Variants in PTPRD observed in about 807,000 individuals in gnomAD.
The protein encoded by PTPRD is receptor-type tyrosine-protein phosphatase delta.
Under a neutral mutation model 214.5 loss-of-function variants are expected in PTPRD, and 34 were observed. The observed-to-expected ratio is 0.16, with a 90% confidence interval of 0.12 to 0.21. The LOEUF is 0.21. Among genes scored for constraint, PTPRD ranks in the 10% least tolerant of loss-of-function variants. PTPRD has a pLI of 1.00. For missense variants in PTPRD, 2,545 were observed against 2,398.7 expected, an observed-to-expected ratio of 1.06 and a Z score of -1.27; for synonymous variants, 1,128 against 845.7, an observed-to-expected ratio of 1.33 and a Z score of -5.79.
At chr9:10,559,546 A>G (rs2063375863) in intron 2 of PTPRD, among the ~76,000 whole-genome samples, 1 of 152,174 alleles carries the variant, frequency 6.6e-6, no homozygotes, top group African/African-American at 2.4e-5. Context: ...AAATTTAATA[A>G]GAAGTACAAA....
intron 3 of PTPRD, among the ~76,000 whole-genome samples, chr9:10,115,248 CT>C (rs2098721309): frequency 2.0e-5 from 3 of 151,898 alleles, no homozygotes; most frequent in Admixed American, 2.0e-4. Flanking sequence ...AGTGAATAAG[CT>C]TTCCATATGT....
intron 9 of PTPRD, among the ~76,000 whole-genome samples, chr9:9,211,532 CA>C (rs2099948672): frequency 8.6e-6 from 1 of 116,172 alleles, no homozygotes; most frequent in South Asian, 2.5e-4. Flanking sequence ...CACACACACA[CA>C]CACACACACA....
intron 5 of PTPRD, among the ~76,000 whole-genome samples, chr9:9,922,760 A>G (rs561943096): frequency 6.6e-6 from 1 of 151,612 alleles, no homozygotes; most frequent in East Asian, 1.9e-4. Context: ...TTCTATTAAA[A>G]ACAGGGGGAA....
At chr9:9,676,435 G>C (rs2096931729) in intron 7 of PTPRD, among the ~76,000 whole-genome samples, 1 of 151,868 alleles carries the variant, frequency 6.6e-6, no homozygotes, top group South Asian at 2.1e-4. Flanking sequence ...CTTCATCCAT[G>C]TCCCTACAAA....
At chr9:8,940,439 C>G (rs1380342472) in intron 11 of PTPRD, among the ~76,000 whole-genome samples, 2 of 114,890 alleles carry the variant, frequency 1.7e-5, no homozygotes, top group African/African-American at 6.6e-5. Context: ...CCTATCACCA[C>G]TCCCAGCTTT....
intron 11 of PTPRD, among the ~76,000 whole-genome samples, chr9:8,944,449 C>T (rs1169201333): frequency 6.6e-6 from 1 of 152,078 alleles, no homozygotes; most frequent in Non-Finnish European, 1.5e-5. Context: ...AATATCTGCA[C>T]TCCCATGTTT....
At chr9:9,162,564 G>C (rs924826617) in intron 10 of PTPRD, among the ~76,000 whole-genome samples, 1 of 151,934 alleles carries the variant, frequency 6.6e-6, no homozygotes, top group Non-Finnish European at 1.5e-5. Flanking sequence ...TTCCCCGCTG[G>C]ATTCCTTAGA....
At chr9:10,022,200 A>G (rs567967641) in intron 4 of PTPRD, among the ~76,000 whole-genome samples, 1 of 37,210 alleles carries the variant, frequency 2.7e-5, no homozygotes, top group East Asian at 6.2e-4. Flanking sequence ...CGAGGAAAGC[A>G]GAGTTACATA....
At chr9:10,476,129 G>C (rs1204568534) in intron 2 of PTPRD, among the ~76,000 whole-genome samples, 4 of 152,066 alleles carry the variant, frequency 2.6e-5, no homozygotes, top group African/African-American at 9.7e-5. Context: ...TGAAGTTCTG[G>C]CCAGGGCAGT....
intron 5 of PTPRD, among the ~76,000 whole-genome samples, chr9:9,865,556 G>C (rs1350061703): frequency 6.6e-6 from 1 of 152,054 alleles, no homozygotes; most frequent in East Asian, 1.9e-4. Context: ...AAATTTCCCA[G>C]CCTCCATAAC....
chr9:8,571,366 A>T (rs958448327), intron 14 of PTPRD, among the ~76,000 whole-genome samples: 2 of 152,146 alleles, frequency 1.3e-5, no homozygotes, highest in Non-Finnish European at 2.9e-5. Context: ...ACTCTCAGAC[A>T]TCTAAATGGC....
At chr9:8,953,913 GCC>G (rs2099117256) in intron 11 of PTPRD, among the ~76,000 whole-genome samples, 1 of 151,866 alleles carries the variant, frequency 6.6e-6, no homozygotes, top group South Asian at 2.1e-4. Flanking sequence ...AATTAGTCCT[GCC>G]ACTGCGGAAA....
intron 10 of PTPRD, among the ~76,000 whole-genome samples, chr9:9,057,047 G>A (rs1414489195): frequency 2.6e-5 from 4 of 152,064 alleles, no homozygotes; most frequent in Non-Finnish European, 5.9e-5. Context: ...TTATAGGGTG[G>A]TTGTGATGAT....
At position 10,543,219 on chromosome 9, in the gene PTPRD, G is replaced by A. The variant is rs529676008; in HGVS notation, c.-600+69179C>T. On this transcript the variant is annotated intron_variant, in intron 2 of 45. Coordinates refer to ENST00000381196, the MANE Select transcript of PTPRD (RefSeq NM_002839.4). ...TCATTTTTAACTAACATGATAAAGGGGAAGGCATAAAGCTAAGTTTGTCTA... is the reference window on the plus strand; with the variant it reads ...TCATTTTTAACTAACATGATAAAGGAGAAGGCATAAAGCTAAGTTTGTCTA... 2.8e-4 allele frequency among the ~76,000 whole-genome samples: 42 copies of A among 152,080 alleles called. No individual in the cohort carries two copies. In the South Asian group the frequency reaches 8.5e-3, roughly 31 times the overall value.
chr9:8,839,151 T>C (rs2097504048), intron 11 of PTPRD, among the ~76,000 whole-genome samples: 1 of 152,104 alleles, frequency 6.6e-6, no homozygotes, highest in Non-Finnish European at 1.5e-5. Context: ...ATTTAATTCA[T>C]ATAACAGAAA....
rs34926923 is a variant in PTPRD at position 10,103,395 on chromosome 9, T to TA, written c.-544-69606_-544-69605insT. Among the ~76,000 whole-genome samples, 68 of 116,726 alleles carry TA rather than the reference T, an allele frequency of 5.8e-4. 6 individuals carry two copies. The East Asian group carries it at 0.019, about 32-fold the overall frequency. 76.6% of individuals were successfully genotyped at this position (116,726 alleles called of 152,430 possible). A position where few individuals can be genotyped will look rare whatever the true frequency, so the allele number is the denominator to read the frequency against. ...CTGCATATTATATATATATATATATTTATTTAAGAGCATTGCAGTAAGAAA... is the reference window on the plus strand; with the variant it reads ...CTGCATATTATATATATATATATATTATATTTAAGAGCATTGCAGTAAGAAA... On this transcript the variant is annotated intron_variant, in intron 3 of 45. Coordinates refer to ENST00000381196, the MANE Select transcript of PTPRD (RefSeq NM_002839.4).
intron 8 of PTPRD, among the ~76,000 whole-genome samples, chr9:9,529,017 C>T (rs1339593098): frequency 2.0e-5 from 3 of 149,844 alleles, no homozygotes; most frequent in Non-Finnish European, 3.0e-5. Flanking sequence ...TGGTTCACTG[C>T]AACCTCTGCC....
chr9:9,564,090 T>A (rs2083669214), intron 8 of PTPRD, among the ~76,000 whole-genome samples: 1 of 152,148 alleles, frequency 6.6e-6, no homozygotes, highest in Non-Finnish European at 1.5e-5. Flanking sequence ...TAGAATAGCA[T>A]GCTCATCTGG....
At chr9:9,010,720 T>C (rs1420979968) in intron 11 of PTPRD, among the ~76,000 whole-genome samples, 1 of 152,158 alleles carries the variant, frequency 6.6e-6, no homozygotes, top group Non-Finnish European at 1.5e-5. Flanking sequence ...TTTCATCTTG[T>C]CCATCCCTCT....
Sources: gnomAD v4.1 joint callset for allele counts (sites outside exome capture counted in the v4.1 genomes callset) on GRCh38, gnomAD v4.1.1 for gene constraint, MANE v1.5 for transcripts, NCBI Gene and HGNC (gene_info 2026-07-23, HGNC 2026-07-21) for gene names.